SHISA9: variants seen among roughly 807,000 people sequenced by gnomAD.
The protein encoded by SHISA9 is protein shisa-9.
Under a neutral mutation model 38.0 loss-of-function variants are expected in SHISA9, and 13 were observed. The ratio of observed to expected loss-of-function variants is 0.34; its 90% confidence interval spans 0.22 to 0.54. The LOEUF (loss-of-function observed/expected upper bound fraction) is 0.54, where lower values mean the gene tolerates loss of function less well. SHISA9 is among the 20% of genes least tolerant of loss of function. The probability of loss-of-function intolerance (pLI) is 0.91; values close to 1 mark genes in which losing one functional copy is unlikely to be tolerated. For synonymous variants in SHISA9, 275 were observed against 242.0 expected, an observed-to-expected ratio of 1.14 and a Z score of -1.27; for missense variants, 538 against 575.8, an observed-to-expected ratio of 0.93 and a Z score of 0.67.
the SHISA9 span, among the ~76,000 whole-genome samples, chr16:13,353,217 G>A: frequency 6.6e-6 from 1 of 152,118 alleles, no homozygotes; most frequent in South Asian, 2.1e-4. Flanking sequence ...ATATTGTGGG[G>A]ATGTTAGAAG....
chr16:13,490,226 A>T, the SHISA9 span, among the ~76,000 whole-genome samples: 1 of 152,164 alleles, frequency 6.6e-6, no homozygotes, highest in African/African-American at 2.4e-5. Flanking sequence ...GAAGAGCACA[A>T]CACAATATGC....
chr16:13,489,231 G>T, the SHISA9 span, among the ~76,000 whole-genome samples: 1 of 152,006 alleles, frequency 6.6e-6, no homozygotes, highest in South Asian at 2.1e-4. Flanking sequence ...TGTATTTTTA[G>T]TTGAAGCAGG....
At chr16:13,163,989 G>T (rs367898921) in intron 2 of SHISA9, among the ~76,000 whole-genome samples, 1 of 151,606 alleles carries the variant, frequency 6.6e-6, no homozygotes. Context: ...TTGCTGTATT[G>T]TACTGGATAG....
At chr16:12,989,155 T>C (rs1596567586) in intron 2 of SHISA9, among the ~76,000 whole-genome samples, 1 of 152,152 alleles carries the variant, frequency 6.6e-6, no homozygotes, top group East Asian at 1.9e-4. Context: ...GAAAACTGCT[T>C]CTTTTACCAC....
At chr16:13,293,913 G>A in the SHISA9 span, among the ~76,000 whole-genome samples, 1 of 152,190 alleles carries the variant, frequency 6.6e-6, no homozygotes, top group African/African-American at 2.4e-5. Context: ...AGGGGCATTG[G>A]GTTTTGTCTT....
the SHISA9 span, among the ~76,000 whole-genome samples, chr16:13,320,129 G>T: frequency 6.6e-6 from 1 of 150,952 alleles, no homozygotes; most frequent in African/African-American, 2.4e-5. Flanking sequence ...CGTCTCTACT[G>T]AAAATACAAA....
the SHISA9 span, among the ~76,000 whole-genome samples, chr16:13,265,409 C>G: frequency 9.7e-6 from 1 of 103,154 alleles, no homozygotes; most frequent in African/African-American, 3.8e-5. Context: ...TCCTCTTTCT[C>G]TCCTCCCCCC....
intron 2 of SHISA9, among the ~76,000 whole-genome samples, chr16:12,933,643 T>C (rs1021463921): frequency 6.6e-6 from 1 of 152,176 alleles, no homozygotes; most frequent in Non-Finnish European, 1.5e-5. Context: ...ATAGTTGATA[T>C]AACAAAGGGA....
chr16:13,467,825 A>G, the SHISA9 span, among the ~76,000 whole-genome samples: 1 of 152,172 alleles, frequency 6.6e-6, no homozygotes, highest in East Asian at 1.9e-4. Flanking sequence ...CTATTCACCT[A>G]ACACCAGGTT....
At chr16:13,428,785 T>TTTTTTAG in the SHISA9 span, among the ~76,000 whole-genome samples, 1 of 151,510 alleles carries the variant, frequency 6.6e-6, no homozygotes, top group African/African-American at 2.4e-5. Flanking sequence ...TTTTTTTTTT[T>TTTTTTAG]TGAGTCAGAG....
intron 2 of SHISA9, among the ~76,000 whole-genome samples, chr16:13,067,881 C>T (rs1200399452): frequency 6.6e-6 from 1 of 152,224 alleles, no homozygotes; most frequent in African/African-American, 2.4e-5. Context: ...CCCACTGATT[C>T]CTCCTCAACC....
the SHISA9 span, among the ~76,000 whole-genome samples, chr16:13,513,040 A>G: frequency 1.3e-5 from 2 of 152,358 alleles, no homozygotes; most frequent in South Asian, 4.1e-4. Context: ...GCTGCTGCAC[A>G]GCAAAAGAAA....
At chr16:13,188,674 G>A (rs540958780) in intron 2 of SHISA9, among the ~76,000 whole-genome samples, 10 of 131,584 alleles carry the variant, frequency 7.6e-5, no homozygotes, top group East Asian at 4.5e-4. Flanking sequence ...CTATGATTGC[G>A]CCACTGCACT....
chr16:13,548,013 CAG>C, the SHISA9 span, among the ~76,000 whole-genome samples: 1 of 152,088 alleles, frequency 6.6e-6, no homozygotes, highest in African/African-American at 2.4e-5. Context: ...GGTATAAAAA[CAG>C]AGACATAGAC....
chr16:13,325,632 T>A, the SHISA9 span, among the ~76,000 whole-genome samples: 23 of 152,306 alleles, frequency 1.5e-4, no homozygotes, highest in Non-Finnish European at 1.6e-4. Context: ...CAGCCAGTGG[T>A]GTAGTTGCAG....
At chr16:13,410,233 A>AC in the SHISA9 span, among the ~76,000 whole-genome samples, 1 of 152,182 alleles carries the variant, frequency 6.6e-6, no homozygotes, top group Non-Finnish European at 1.5e-5. Context: ...GAGGAGTTAA[A>AC]CATTCTCATG....
chr16:13,559,020 G>T, the SHISA9 span, among the ~76,000 whole-genome samples: 1 of 152,192 alleles, frequency 6.6e-6, no homozygotes, highest in Non-Finnish European at 1.5e-5. Context: ...AGTTTACAAA[G>T]ATAATTATTA....
At chr16:13,491,737 G>T in the SHISA9 span, among the ~76,000 whole-genome samples, 1 of 141,130 alleles carries the variant, frequency 7.1e-6, no homozygotes, top group Non-Finnish European at 1.5e-5. Context: ...AGATCCACCC[G>T]CCTCGACCTC....
At chr16:13,379,964 G>C in the SHISA9 span, among the ~76,000 whole-genome samples, 1 of 152,132 alleles carries the variant, frequency 6.6e-6, no homozygotes, top group Non-Finnish European at 1.5e-5. Flanking sequence ...AATTTTGAGA[G>C]TGTATGAAGG....
Sources: allele counts gnomAD v4.1 joint callset (sites outside exome capture counted in the v4.1 genomes callset), GRCh38; gene constraint gnomAD v4.1.1; transcripts MANE v1.5; gene names NCBI Gene and HGNC (gene_info 2026-07-23, HGNC 2026-07-21).